TNKS: variants seen among roughly 807,000 people sequenced by gnomAD.
The protein encoded by TNKS is poly [ADP-ribose] polymerase tankyrase-1.
Under a neutral mutation model 135.8 loss-of-function variants are expected in TNKS, and 72 were observed. The observed-to-expected ratio is 0.53, with a 90% CI of 0.44 to 0.64. The LOEUF (loss-of-function observed/expected upper bound fraction) is 0.64. TNKS is among the 30% of genes least tolerant of loss of function. The pLI is 0.00. For missense variants in TNKS, 1,769 were observed against 1,674.0 expected, an observed-to-expected ratio of 1.06 and a Z score of -0.99; for synonymous variants, 849 against 649.3, an observed-to-expected ratio of 1.31 and a Z score of -4.68.
intron 13 of TNKS, among the ~76,000 whole-genome samples, chr8:9,728,589 T>C (rs573546836): frequency 6.6e-6 from 1 of 152,318 alleles, no homozygotes; most frequent in Non-Finnish European, 1.5e-5. Flanking sequence ...AGGAAGAAGC[T>C]TCAATCATGT....
chr8:9,557,788 C>T (rs546468256), intron 1 of TNKS: 9 of 152,230 alleles, frequency 5.9e-5, no homozygotes, highest in African/African-American at 1.9e-4. Context: ...ATTTTTACCA[C>T]ACTTGGGAGA....
intron 20 of TNKS, among the ~76,000 whole-genome samples, chr8:9,761,175 T>A (rs1471341371): frequency 6.6e-6 from 1 of 152,252 alleles, no homozygotes; most frequent in Non-Finnish European, 1.5e-5. Context: ...TTTCCCATTT[T>A]CAAGCTACTG....
intron 2 of TNKS, among the ~76,000 whole-genome samples, chr8:9,600,463 A>G (rs1340908029): frequency 6.6e-6 from 1 of 151,902 alleles, no homozygotes; most frequent in Non-Finnish European, 1.5e-5. Context: ...ACAGGTGCAC[A>G]CCATCATGCT....
At chr8:9,668,024 C>T (rs1802082494) in intron 3 of TNKS, among the ~76,000 whole-genome samples, 1 of 152,126 alleles carries the variant, frequency 6.6e-6, no homozygotes. Flanking sequence ...AGCATGCTAG[C>T]AGTGGCACCA....
intron 3 of TNKS, among the ~76,000 whole-genome samples, chr8:9,657,457 G>A (rs1394951152): frequency 2.3e-4 from 22 of 95,080 alleles, no homozygotes; most frequent in African/African-American, 6.3e-4. Flanking sequence ...CGGACAGGGC[G>A]GCTGGCCGGG....
chr8:9,710,824 A>G (rs557553026), intron 11 of TNKS, among the ~76,000 whole-genome samples: 67 of 152,282 alleles, frequency 4.4e-4, no homozygotes, highest in African/African-American at 1.5e-3. Flanking sequence ...TGAACCTGGG[A>G]GGCGAAGCTT....
intron 3 of TNKS, among the ~76,000 whole-genome samples, chr8:9,627,176 G>A (rs937163745): frequency 6.6e-6 from 1 of 152,202 alleles, no homozygotes; most frequent in Non-Finnish European, 1.5e-5. Context: ...GTTCCTGGCA[G>A]CTGGTGCTCC....
Position 9,666,586 on chromosome 8 carries a change from G to T in TNKS, c.995-13365G>T, listed in dbSNP as rs543755983. ...AATACAAAAATTAGCTGGCTGTGGT[G>T]GCTCACGCCTGTAGTCCCAGCTACT... is the stretch of plus-strand genomic sequence containing the variant. On this transcript the variant is annotated intron_variant, in intron 3 of 26. Transcript: ENST00000310430. Among the ~76,000 whole-genome samples the T allele has an allele frequency of 5.3e-5, 8 of 152,096 alleles. No homozygotes were observed. The South Asian group carries it at 1.7e-3, about 32-fold the overall frequency.
At chr8:9,757,995 A>G (rs929895251) in intron 20 of TNKS, among the ~76,000 whole-genome samples, 17 of 152,204 alleles carry the variant, frequency 1.1e-4, no homozygotes, top group African/African-American at 3.9e-4. Context: ...ACGCTTAATC[A>G]TGTCCACCTT....
intron 11 of TNKS, among the ~76,000 whole-genome samples, chr8:9,719,584 A>G (rs1478314121): frequency 6.6e-6 from 1 of 152,196 alleles, no homozygotes; most frequent in Non-Finnish European, 1.5e-5. Context: ...GAGGAGACTT[A>G]TCTACACTGG....
chr8:9,678,087 C>T (rs1373356131), intron 3 of TNKS, among the ~76,000 whole-genome samples: 1 of 152,138 alleles, frequency 6.6e-6, no homozygotes, highest in Non-Finnish European at 1.5e-5. Flanking sequence ...TTGTCTGTCT[C>T]CTTTAATAGA....
chr8:9,619,855 A>G (rs4474027), intron 3 of TNKS, among the ~76,000 whole-genome samples: 12,817 of 149,986 alleles, frequency 0.085, 572 homozygotes, highest in South Asian at 0.17. Context: ...CATCTTTAGC[A>G]TAACCAGTGA....
chr8:9,586,722 C>CGT (rs5889287), intron 2 of TNKS, among the ~76,000 whole-genome samples: 21,049 of 143,070 alleles, frequency 0.15, 1,611 homozygotes, highest in African/African-American at 0.21. Flanking sequence ...ATATCTAAAA[C>CGT]GTGTGTGTGT....
intron 18 of TNKS, among the ~76,000 whole-genome samples, chr8:9,750,422 T>C (rs1009554497): frequency 6.6e-6 from 1 of 152,252 alleles, no homozygotes; most frequent in Non-Finnish European, 1.5e-5. Flanking sequence ...ACCAGTCCAG[T>C]TGACAAGGCA....
intron 22 of TNKS, among the ~76,000 whole-genome samples, chr8:9,764,147 C>G (rs1034973946): frequency 6.6e-6 from 1 of 151,980 alleles, no homozygotes; most frequent in Admixed American, 6.6e-5. Flanking sequence ...AGTTAATTCT[C>G]TGAGAAACTT....
At chr8:9,710,303 T>G (rs780405200) in intron 11 of TNKS, 83 bp downstream of exon 11, 1 of 1,315,648 alleles carries the variant, frequency 7.6e-7, no homozygotes, top group South Asian at 1.2e-5. Flanking sequence ...TCTCCGATTT[T>G]TCTGAAGAAA....
chr8:9,604,453 G>C (rs1799143017), intron 2 of TNKS, among the ~76,000 whole-genome samples: 1 of 152,038 alleles, frequency 6.6e-6, no homozygotes, highest in African/African-American at 2.4e-5. Flanking sequence ...GAATTAAATA[G>C]AATTCAATGG....
chr8:9,772,300 A>G (rs117475636), intron 26 of TNKS: 22,911 of 441,248 alleles, frequency 0.052, 793 homozygotes, highest in Non-Finnish European at 0.07. Flanking sequence ...AAAGGGGACA[A>G]TGCCTTGACC....
At chr8:9,628,601 C>T (rs1800158951) in intron 3 of TNKS, among the ~76,000 whole-genome samples, 1 of 151,982 alleles carries the variant, frequency 6.6e-6, no homozygotes, top group South Asian at 2.1e-4. Flanking sequence ...GAGAAAGGCC[C>T]AGGTTAAGTC....
Sources: gnomAD v4.1 joint callset for allele counts (sites outside exome capture counted in the v4.1 genomes callset) on GRCh38, gnomAD v4.1.1 for gene constraint, MANE v1.5 for transcripts, NCBI Gene and HGNC (gene_info 2026-07-23, HGNC 2026-07-21) for gene names.